USH2A: variants seen among roughly 807,000 people sequenced by gnomAD.
USH2A encodes the protein Usher syndrome 2A (autosomal recessive, mild).
In USH2A, 443 loss-of-function variants were observed where a neutral mutation model predicts 538.9. The observed-to-expected ratio is 0.82, with a 90% CI of 0.76 to 0.89. The LOEUF (loss-of-function observed/expected upper bound fraction) is 0.89, where lower values mean the gene tolerates loss of function less well. Ranked by LOEUF, USH2A falls within the 40% of genes least tolerant of loss-of-function variation. The probability of loss-of-function intolerance (pLI) is 0.00; values close to 1 mark genes in which losing one functional copy is unlikely to be tolerated. For missense variants in USH2A, 6,633 were observed against 6,324.8 expected, an observed-to-expected ratio of 1.05 and a Z score of -1.65; for synonymous variants, 2,413 against 2,273.5, an observed-to-expected ratio of 1.06 and a Z score of -1.75.
chr1:216,358,360 G>T (rs375977744), intron 4 of USH2A, among the ~76,000 whole-genome samples: 14 of 152,238 alleles, frequency 9.2e-5, no homozygotes, highest in African/African-American at 2.6e-4. Flanking sequence ...AGCCGGCCTG[G>T]CACTGCATGA....
chr1:216,117,831 GAT>G (rs1395836723), intron 21 of USH2A, among the ~76,000 whole-genome samples: 1 of 132,904 alleles, frequency 7.5e-6, no homozygotes, highest in Non-Finnish European at 1.6e-5. Flanking sequence ...TATATACACA[GAT>G]ATATATATAC....
chr1:215,957,041 C>T (rs1667085131), intron 37 of USH2A, among the ~76,000 whole-genome samples: 1 of 152,018 alleles, frequency 6.6e-6, no homozygotes, highest in South Asian at 2.1e-4. Flanking sequence ...CTTTTGATTT[C>T]CCAAGTGTTT....
intron 58 of USH2A, among the ~76,000 whole-genome samples, chr1:215,753,000 G>C (rs1009558652): frequency 6.6e-6 from 1 of 152,142 alleles, no homozygotes; most frequent in Non-Finnish European, 1.5e-5. Flanking sequence ...AGTGGGAGAA[G>C]GATATGAACA....
At chr1:216,022,843 G>A (rs749370432) in intron 32 of USH2A, among the ~76,000 whole-genome samples, 4 of 152,124 alleles carry the variant, frequency 2.6e-5, no homozygotes, top group Non-Finnish European at 5.9e-5. Flanking sequence ...GCACAGCAGT[G>A]GGAGAGCTCA....
At chr1:215,697,130 T>G (rs1658840643) in intron 61 of USH2A, among the ~76,000 whole-genome samples, 3 of 151,440 alleles carry the variant, frequency 2.0e-5, no homozygotes, top group African/African-American at 7.3e-5. Context: ...TTTTTTTTTT[T>G]GTATTTTTTG....
At chr1:216,366,649 T>C (rs2038604413) in intron 3 of USH2A, among the ~76,000 whole-genome samples, 1 of 152,074 alleles carries the variant, frequency 6.6e-6, no homozygotes, top group Non-Finnish European at 1.5e-5. Flanking sequence ...CAATAATTAC[T>C]TGGTAATACG....
intron 21 of USH2A, chr1:216,174,095 T>C: frequency 4.1e-6 from 4 of 985,332 alleles, no homozygotes; most frequent in Non-Finnish European, 4.8e-6. Flanking sequence ...ATAATCATGA[T>C]TCATTACCAA....
intron 20 of USH2A, among the ~76,000 whole-genome samples, chr1:216,185,089 G>A (rs2034572607): frequency 1.3e-5 from 2 of 151,846 alleles, no homozygotes; most frequent in African/African-American, 4.8e-5. Flanking sequence ...AAAGAAAAGT[G>A]TAACAAGGAT....
At position 215,691,946 on chromosome 1, in the gene USH2A, G is replaced by A. The variant is rs1045803917; in HGVS notation, c.12067-11570C>T. 2.6e-5 allele frequency among the ~76,000 whole-genome samples: 4 copies of A among 152,124 alleles called. No homozygotes were observed. The South Asian group carries it at 8.3e-4, about 32-fold the overall frequency. Reference sequence around the variant, plus strand: ...GAGAGAGCTCAGGACCAAACTCAGTGGCAGATGCAGGATGAGGCTGACTTG... The same window carrying A: ...GAGAGAGCTCAGGACCAAACTCAGTAGCAGATGCAGGATGAGGCTGACTTG... On this transcript the variant is annotated intron_variant, in intron 61 of 71. Transcript: ENST00000307340.
At chr1:215,707,757 T>C (rs1473752974) in intron 61 of USH2A, among the ~76,000 whole-genome samples, 1 of 152,152 alleles carries the variant, frequency 6.6e-6, no homozygotes, top group African/African-American at 2.4e-5. Context: ...ACATACTGGA[T>C]TTTAGGAACT....
At chr1:216,265,725 G>A (rs2036458393) in intron 11 of USH2A, among the ~76,000 whole-genome samples, 1 of 151,908 alleles carries the variant, frequency 6.6e-6, no homozygotes, top group African/African-American at 2.4e-5. Flanking sequence ...GTCTTTTGAA[G>A]CAACATGGAT....
intron 3 of USH2A, among the ~76,000 whole-genome samples, chr1:216,388,250 T>C (rs1297594475): frequency 1.3e-5 from 2 of 152,148 alleles, no homozygotes; most frequent in Non-Finnish European, 2.9e-5. Flanking sequence ...AACAAGTAAA[T>C]GTCAGGGAAT....
rs528089082 is a variant in USH2A, at chr1:215,970,728, T to C, written c.6854A>G (p.Asn2285Ser). The stretch of plus-strand genomic sequence containing the variant: ...AGCACGATAGCTGAGTTCTGAGGAA[T>C]TGTGGATTAATATACCATCTAGATA... Reference protein sequence around the residue: ...GLYLDGILIHNSSELSYRAYG... With the variant: ...GLYLDGILIHSSSELSYRAYG... Residue 2285 changes from asparagine (N) to serine (S), a missense_variant, in exon 36 of 72, where the codon AAT becomes AGT. Asn to Ser is a conservative substitution (Grantham distance 46). Transcript: ENST00000307340. 125 of 1,613,676 alleles carry C rather than the reference T, an allele frequency of 7.7e-5. 1 individual carries two copies. In the South Asian group the frequency reaches 1.2e-3, roughly 15 times the overall value.
chr1:216,422,462 A>T lies in USH2A; in HGVS notation c.-126T>A. Reference sequence around the variant, plus strand: ...ATGTTGCGATACTCCATTTTCTGGAAACTGCAGACACGTTCTCAGAGTAAG... The same window carrying T: ...ATGTTGCGATACTCCATTTTCTGGATACTGCAGACACGTTCTCAGAGTAAG... On this transcript the variant is annotated 5_prime_UTR_variant, in exon 2 of 72. Transcript: ENST00000307340. 1 of 1,386,248 alleles carries T rather than the reference A, an allele frequency of 7.2e-7. No homozygotes were observed. The highest frequency in any genetic ancestry group is 1.0e-6 in the Non-Finnish European group (1 of 1,002,708). 85.9% of individuals were successfully genotyped at this position (1,386,248 alleles called of 1,614,324 possible).
intron 11 of USH2A, among the ~76,000 whole-genome samples, chr1:216,281,715 G>A (rs997404592): frequency 5.3e-5 from 8 of 152,082 alleles, no homozygotes; most frequent in African/African-American, 1.9e-4. Context: ...ACAGAGGAGT[G>A]AAACTTCTGG....
At chr1:216,296,465 A>T (rs2037107140) in intron 9 of USH2A, among the ~76,000 whole-genome samples, 1 of 152,058 alleles carries the variant, frequency 6.6e-6, no homozygotes, top group Admixed American at 6.6e-5. Flanking sequence ...TTCAGGAAAT[A>T]CAAGTTATTG....
chr1:215,962,723 A>G (rs1482857355), intron 37 of USH2A, among the ~76,000 whole-genome samples: 3 of 152,090 alleles, frequency 2.0e-5, no homozygotes, highest in Non-Finnish European at 2.9e-5. Context: ...TGAGCACACT[A>G]CTTTTCCTCT....
At chr1:216,012,909 C>T (rs1446566433) in intron 32 of USH2A, among the ~76,000 whole-genome samples, 3 of 152,142 alleles carry the variant, frequency 2.0e-5, no homozygotes, top group East Asian at 1.9e-4. Flanking sequence ...CTACTATCTT[C>T]TGTCTAGTCA....
At chr1:215,680,013 G>A in intron 62 of USH2A, 136 bp downstream of exon 62, 1 of 839,870 alleles carries the variant, frequency 1.2e-6, no homozygotes, top group Non-Finnish European at 2.0e-6. Context: ...CTATGATTAA[G>A]TGCCTGGAGG....
Sources: allele counts gnomAD v4.1 joint callset (sites outside exome capture counted in the v4.1 genomes callset), GRCh38; gene constraint gnomAD v4.1.1; transcripts MANE v1.5; gene names NCBI Gene and HGNC (gene_info 2026-07-23, HGNC 2026-07-21).